The following ATP8A2 variants were observed in gnomAD, a reference collection of about 807,000 sequenced individuals.
ATP8A2 encodes the protein ATPase phospholipid transporting 8A2.
In ATP8A2, 100 loss-of-function variants were observed where a neutral mutation model predicts 165.6. The ratio of observed to expected loss-of-function variants is 0.60; its 90% CI spans 0.51 to 0.71. The LOEUF (loss-of-function observed/expected upper bound fraction) is 0.71, where lower values mean the gene tolerates loss of function less well. ATP8A2 is among the 30% of genes least tolerant of loss of function. The probability of loss-of-function intolerance (pLI) is 0.00; values close to 1 mark genes in which losing one functional copy is unlikely to be tolerated. For missense variants in ATP8A2, 1,227 were observed against 1,479.5 expected (o/e 0.83, Z 2.80); for synonymous variants, 543 against 548.8 (o/e 0.99, Z 0.15).
intron 33 of ATP8A2, among the ~76,000 whole-genome samples, chr13:25,937,362 C>CTTTCTTTCTTTCTTTTTTTTTTTTTTT: frequency 5.2e-5 from 2 of 38,798 alleles, no homozygotes; most frequent in African/African-American, 1.4e-4. Context: ...TTCTTTCTTT[C>CTTTCTTTCTTTCTTTTTTTTTTTTTTT]TTTTTTTTTT....
chr13:25,461,291 A>T (rs926999300), intron 1 of ATP8A2, among the ~76,000 whole-genome samples: 2 of 152,250 alleles, frequency 1.3e-5, no homozygotes, highest in Non-Finnish European at 2.9e-5. Flanking sequence ...AGGCTAAAAT[A>T]ATCACATTTT....
chr13:25,507,259 GTGTGTA>G (rs758707178), intron 2 of ATP8A2, among the ~76,000 whole-genome samples: 10,473 of 92,570 alleles, frequency 0.11, 557 homozygotes, highest in African/African-American at 0.17. Flanking sequence ...GTGTGTGTGT[GTGTGTA>G]TTTTGTTGTT....
chr13:25,771,683 C>G (rs889495251), intron 26 of ATP8A2, among the ~76,000 whole-genome samples: 1 of 152,198 alleles, frequency 6.6e-6, no homozygotes, highest in African/African-American at 2.4e-5. Context: ...GCCAAAGGAA[C>G]TGATGCAGCC....
intron 2 of ATP8A2, among the ~76,000 whole-genome samples, chr13:25,498,657 C>G (rs1279390981): frequency 1.3e-5 from 2 of 151,574 alleles, no homozygotes; most frequent in Admixed American, 6.6e-5. Flanking sequence ...TTTCTAACAC[C>G]CTGCAGATGT....
At position 25,531,298 on chromosome 13, in the gene ATP8A2, G is replaced by GA. The variant is rs1284004585; in HGVS notation, c.420+638_420+639insA. ...TATATATGTTATATATGATATATAT[G>GA]TTATATATGATATATATGTTATATA... On this transcript the variant is annotated intron_variant, in intron 4 of 36. Transcript: ENST00000381655. Among the ~76,000 whole-genome samples the GA allele has an allele frequency of 8.1e-5, 9 of 111,048 alleles. No individual in the cohort carries two copies. In the East Asian group the frequency reaches 2.1e-3, roughly 26 times the overall value. 72.9% of individuals were successfully genotyped at this position (111,048 alleles called of 152,430 possible).
At chr13:25,572,727 C>T (rs145217596) in intron 18 of ATP8A2, among the ~76,000 whole-genome samples, 1 of 152,130 alleles carries the variant, frequency 6.6e-6, no homozygotes, top group Non-Finnish European at 1.5e-5. Flanking sequence ...CCCTGCCATC[C>T]CTTGCCTTTC....
intron 24 of ATP8A2, among the ~76,000 whole-genome samples, chr13:25,642,154 G>C: frequency 6.6e-6 from 1 of 152,122 alleles, no homozygotes; most frequent in Non-Finnish European, 1.5e-5. Flanking sequence ...AACCCTAGAA[G>C]AAAACCTAGG....
At chr13:25,586,272 C>A (rs2039918676) in intron 23 of ATP8A2, among the ~76,000 whole-genome samples, 1 of 152,244 alleles carries the variant, frequency 6.6e-6, no homozygotes, top group African/African-American at 2.4e-5. Context: ...GGAAGTCTTC[C>A]TGGATGAGAG....
At position 25,620,846 on chromosome 13, in the gene ATP8A2, A is replaced by C. The variant is rs2040949611; in HGVS notation, c.2211+31147A>C. 2.0e-5 allele frequency among the ~76,000 whole-genome samples: 3 copies of C among 152,200 alleles called. No individual in the cohort carries two copies. The South Asian group carries it at 6.2e-4, about 32-fold the overall frequency. ...TCTTGTAATCAAGGGGGAAGTGGAG[A>C]TCAATGAACTAATGGTGACATTTCA... On this transcript the variant is annotated intron_variant, in intron 24 of 36. Coordinates refer to ENST00000381655, the MANE Select transcript of ATP8A2 (RefSeq NM_016529.6).
chr13:25,694,766 G>A (rs999932729), intron 24 of ATP8A2, among the ~76,000 whole-genome samples: 1 of 152,166 alleles, frequency 6.6e-6, no homozygotes, highest in Non-Finnish European at 1.5e-5. Flanking sequence ...CAATTCCTGG[G>A]TTCAAGCGAT....
At chr13:25,835,403 T>G (rs1273158297) in intron 28 of ATP8A2, among the ~76,000 whole-genome samples, 1 of 152,122 alleles carries the variant, frequency 6.6e-6, no homozygotes, top group Non-Finnish European at 1.5e-5. Context: ...TTACTGACTC[T>G]ACTCACCACA....
In ATP8A2 at chr13:25,502,522, G is replaced by A. The variant is rs1040448087; in HGVS notation, c.222-27477G>A. 6.6e-5 allele frequency among the ~76,000 whole-genome samples: 10 copies of A among 152,198 alleles called. No individual in the cohort carries two copies. In the East Asian group the frequency reaches 1.9e-3, roughly 29 times the overall value. On this transcript the variant is annotated intron_variant, in intron 2 of 36. Coordinates refer to ENST00000381655, the MANE Select transcript of ATP8A2 (RefSeq NM_016529.6). ...CAATGAAAGTGATTCAGAATCTGGG[G>A]TAGGGCAGACAGGAATGTGAAACAT... is the stretch of plus-strand genomic sequence containing the variant.
chr13:25,531,310 ATATATGTTATATATGATATATATATGT>A (rs2038066585), intron 4 of ATP8A2, among the ~76,000 whole-genome samples: 1 of 129,374 alleles, frequency 7.7e-6, no homozygotes, highest in African/African-American at 3.0e-5. Context: ...TATATATGAT[ATATATGTTATATATGATATATATATGT>A]TATATATGAT....
At chr13:25,495,879 G>T (rs567794564) in intron 2 of ATP8A2, among the ~76,000 whole-genome samples, 1 of 152,022 alleles carries the variant, frequency 6.6e-6, no homozygotes, top group Middle Eastern at 3.4e-3. Flanking sequence ...TGCTTGGTTC[G>T]AATATATTTC....
At chr13:25,889,974 G>GACAT (rs1953306075) in intron 33 of ATP8A2, among the ~76,000 whole-genome samples, 1 of 152,022 alleles carries the variant, frequency 6.6e-6, no homozygotes, top group Non-Finnish European at 1.5e-5. Context: ...CATCCTGGCT[G>GACAT]ACATGGTGAA....
chr13:25,530,757 A>T (rs370435607), intron 4 of ATP8A2, 97 bp downstream of exon 4: 4 of 761,748 alleles, frequency 5.3e-6, no homozygotes, highest in African/African-American at 1.7e-5. Flanking sequence ...AAATTGGGCT[A>T]TAGCTTAACC....
At chr13:25,795,598 C>CT (rs1950484328) in intron 27 of ATP8A2, among the ~76,000 whole-genome samples, 1 of 152,132 alleles carries the variant, frequency 6.6e-6, no homozygotes, top group South Asian at 2.1e-4. Flanking sequence ...GCTTACAGGA[C>CT]TTTTTTCCCC....
At position 25,387,686 on chromosome 13, in the gene ATP8A2, G is replaced by A. The variant is rs1393200314; in HGVS notation, c.76+15398G>A. Among the ~76,000 whole-genome samples, 3 of 152,286 alleles carry A rather than the reference G, an allele frequency of 2.0e-5. No individual in the cohort carries two copies. The East Asian group carries it at 5.8e-4, about 29-fold the overall frequency. ...CTTGAATAATTTTAGAATTTTCAGA[G>A]TTTTTGATAGGTCTTTAAACTTAAA... On this transcript the variant is annotated intron_variant, in intron 1 of 36. Coordinates refer to ENST00000381655, the MANE Select transcript of ATP8A2 (RefSeq NM_016529.6).
At chr13:25,570,388 C>T (rs892392885) in intron 16 of ATP8A2, among the ~76,000 whole-genome samples, 1 of 151,858 alleles carries the variant, frequency 6.6e-6, no homozygotes, top group African/African-American at 2.4e-5. Flanking sequence ...AGTGGAAGCA[C>T]GTGGTGAAGT....
Sources: allele counts gnomAD v4.1 joint callset (sites outside exome capture counted in the v4.1 genomes callset), GRCh38; gene constraint gnomAD v4.1.1; transcripts MANE v1.5; gene names NCBI Gene and HGNC (gene_info 2026-07-23, HGNC 2026-07-21).